TTC28: variants seen among roughly 807,000 people sequenced by gnomAD.
The protein encoded by TTC28 is tetratricopeptide repeat domain 28, also known as tetratricopeptide repeat protein 28.
Under a neutral mutation model 198.0 loss-of-function variants are expected in TTC28, and 61 were observed. The ratio of observed to expected loss-of-function variants is 0.31; its 90% CI spans 0.25 to 0.38. The LOEUF (loss-of-function observed/expected upper bound fraction) is 0.38. Among genes scored for constraint, TTC28 ranks in the 10% least tolerant of loss-of-function variants. The pLI, the probability that TTC28 is intolerant of heterozygous loss-of-function variation, is 1.00. For missense variants in TTC28, 2,678 were observed against 3,164.0 expected (o/e 0.85, Z 3.69); for synonymous variants, 1,171 against 1,297.8 (o/e 0.90, Z 2.10).
intron 1 of TTC28, among the ~76,000 whole-genome samples, chr22:28,658,210 A>G (rs2051690579): frequency 6.6e-6 from 1 of 152,184 alleles, no homozygotes; most frequent in South Asian, 2.1e-4. Flanking sequence ...GTTCTCTTTC[A>G]CAACTCCCTC....
At chr22:27,988,556 G>C (rs1276313837) in intron 21 of TTC28, among the ~76,000 whole-genome samples, 1 of 152,040 alleles carries the variant, frequency 6.6e-6, no homozygotes, top group East Asian at 1.9e-4. Flanking sequence ...CCAAAGTGCT[G>C]GGATTACAGG....
At chr22:28,099,452 G>A (rs1942076570) in intron 9 of TTC28, among the ~76,000 whole-genome samples, 1 of 152,204 alleles carries the variant, frequency 6.6e-6, no homozygotes, top group Non-Finnish European at 1.5e-5. Context: ...CCCAGAGTGA[G>A]TAAAGCCATG....
rs984285849 is a variant in TTC28, at chr22:27,982,818, C to G, written c.6849G>C (p.Gln2283His). 4 of 1,540,722 alleles carry G rather than the reference C, an allele frequency of 2.6e-6. No individual in the cohort carries two copies. The African/African-American group carries it at 5.5e-5, about 21-fold the overall frequency. The change falls in exon 23 of 23, where the codon CAG becomes CAC. Residue 2283 changes from glutamine to histidine, a missense_variant. Gln to His is a conservative substitution (Grantham distance 24). Transcript: ENST00000397906. The surrounding 1 kb of genome is among the most constrained non-coding windows in gnomAD (Gnocchi z 5.2). ...GCDSQTSQLD[Q>H]PLFKLKYPSS... ...TGGGGTACTTCAGTTTAAAGAGAGG[C>G]TGGTCCAGCTGGGAAGTCTGTGAGT...
At chr22:28,124,406 A>G (rs1189285637) in intron 6 of TTC28, among the ~76,000 whole-genome samples, 3 of 152,200 alleles carry the variant, frequency 2.0e-5, no homozygotes, top group Non-Finnish European at 1.5e-5. Flanking sequence ...AATTCCCAGT[A>G]TATAATAATA....
chr22:28,113,608 G>A (rs1942550963), intron 6 of TTC28, among the ~76,000 whole-genome samples: 2 of 152,188 alleles, frequency 1.3e-5, no homozygotes, highest in South Asian at 4.1e-4. Context: ...GTCTTGCTAG[G>A]TGTGACATAG....
At chr22:28,464,514 T>A (rs1016769967) in intron 2 of TTC28, among the ~76,000 whole-genome samples, 1 of 152,228 alleles carries the variant, frequency 6.6e-6, no homozygotes, top group Non-Finnish European at 1.5e-5. Context: ...ATTTCTTGAT[T>A]TTTATTTTTC....
chr22:28,254,103 CAA>C (rs199693746), intron 5 of TTC28, among the ~76,000 whole-genome samples: 19 of 86,750 alleles, frequency 2.2e-4, no homozygotes, highest in Non-Finnish European at 1.9e-4. Flanking sequence ...GACTCCATCT[CAA>C]AAAAAAAAAA....
intron 2 of TTC28, among the ~76,000 whole-genome samples, chr22:28,429,060 T>A (rs952650293): frequency 6.6e-6 from 1 of 152,222 alleles, no homozygotes; most frequent in African/African-American, 2.4e-5. Context: ...TTACTCAATT[T>A]GCCTCCTCAT....
chr22:28,191,056 T>C (rs1216106413), intron 5 of TTC28, among the ~76,000 whole-genome samples: 3 of 152,200 alleles, frequency 2.0e-5, no homozygotes, highest in Non-Finnish European at 4.4e-5. Context: ...TCCAACCTCC[T>C]TTTTAGTATC....
At chr22:28,305,451 A>G (rs900164988) in intron 3 of TTC28, among the ~76,000 whole-genome samples, 4 of 152,200 alleles carry the variant, frequency 2.6e-5, no homozygotes, top group Non-Finnish European at 4.4e-5. Context: ...CCAGAGACCA[A>G]ATGAGTACTG....
intron 2 of TTC28, among the ~76,000 whole-genome samples, chr22:28,446,122 C>T (rs935769007): frequency 6.6e-6 from 1 of 151,982 alleles, no homozygotes; most frequent in Non-Finnish European, 1.5e-5. Flanking sequence ...ATAAAAATAC[C>T]GAGCCGGTAT....
At chr22:28,191,324 CG>C (rs1171231332) in intron 5 of TTC28, among the ~76,000 whole-genome samples, 2 of 152,204 alleles carry the variant, frequency 1.3e-5, no homozygotes, top group Non-Finnish European at 2.9e-5. Flanking sequence ...ACAGTTCTTG[CG>C]AATAGGAACA....
chr22:27,992,498 T>C, intron 19 of TTC28, 89 bp downstream of exon 19: 1 of 1,341,496 alleles, frequency 7.5e-7, no homozygotes, highest in Non-Finnish European at 1.0e-6. Flanking sequence ...TGCATTCACT[T>C]ACAGGTTCCT....
At chr22:28,512,867 A>G (rs987624034) in intron 2 of TTC28, among the ~76,000 whole-genome samples, 3 of 151,926 alleles carry the variant, frequency 2.0e-5, no homozygotes, top group African/African-American at 7.3e-5. Context: ...ACCACGGCGC[A>G]TTTTTACCTA....
intron 2 of TTC28, among the ~76,000 whole-genome samples, chr22:28,467,923 G>A (rs1330019967): frequency 4.6e-5 from 7 of 151,934 alleles, no homozygotes; most frequent in Admixed American, 2.0e-4. Context: ...CACTGCGCCC[G>A]GCTAATTTTT....
chr22:28,518,501 A>G (rs2048836394), intron 2 of TTC28, among the ~76,000 whole-genome samples: 1 of 152,180 alleles, frequency 6.6e-6, no homozygotes, highest in African/African-American at 2.4e-5. Flanking sequence ...CTGTAGTCTC[A>G]GCTACTCAGG....
intron 5 of TTC28, among the ~76,000 whole-genome samples, chr22:28,182,044 G>A (rs930582801): frequency 6.6e-6 from 1 of 151,872 alleles, no homozygotes; most frequent in African/African-American, 2.4e-5. Context: ...TTAGAGAGTC[G>A]AGTTTGTTTG....
intron 2 of TTC28, among the ~76,000 whole-genome samples, chr22:28,605,895 ATGG>A (rs1347692102): frequency 1.3e-5 from 2 of 152,180 alleles, no homozygotes; most frequent in African/African-American, 4.8e-5. Flanking sequence ...ATTAAACTGC[ATGG>A]TGTCCACAGT....
intron 19 of TTC28, among the ~76,000 whole-genome samples, chr22:27,991,958 C>T (rs1402946089): frequency 6.6e-6 from 1 of 152,208 alleles, no homozygotes; most frequent in Non-Finnish European, 1.5e-5. Context: ...TTGTTTCAGG[C>T]ATGGTTAAGT....
Sources: gnomAD v4.1 joint callset for allele counts (sites outside exome capture counted in the v4.1 genomes callset) on GRCh38, gnomAD v4.1.1 for gene constraint, Gnocchi (gnomAD v3.1) non-coding constraint, MANE v1.5 for transcripts, NCBI Gene and HGNC (gene_info 2026-07-23, HGNC 2026-07-21) for gene names.